The following ATP13A4 variants were observed in gnomAD, a reference collection of about 807,000 sequenced individuals.
ATP13A4 encodes ATPase 13A4.
Under a neutral mutation model 142.5 loss-of-function variants are expected in ATP13A4, and 114 were observed. The ratio of observed to expected loss-of-function variants is 0.80; its 90% CI spans 0.69 to 0.93. The LOEUF (loss-of-function observed/expected upper bound fraction) is 0.93. Ranked by LOEUF, ATP13A4 falls within the 40% of genes least tolerant of loss-of-function variation. The probability of loss-of-function intolerance (pLI) is 0.00; values close to 1 mark genes in which losing one functional copy is unlikely to be tolerated. For missense variants in ATP13A4, 1,392 were observed against 1,454.0 expected, an observed-to-expected ratio of 0.96 and a Z score of 0.69; for synonymous variants, 488 against 514.8, an observed-to-expected ratio of 0.95 and a Z score of 0.70.
intron 1 of ATP13A4, among the ~76,000 whole-genome samples, chr3:193,591,961 C>G (rs567173340): frequency 6.6e-6 from 1 of 152,198 alleles, no homozygotes; most frequent in South Asian, 2.1e-4. Context: ...GCCATTGAAA[C>G]AGTCACCACA....
intron 2 of ATP13A4, among the ~76,000 whole-genome samples, chr3:193,566,087 C>T (rs1342559246): frequency 2.6e-5 from 4 of 152,128 alleles, no homozygotes; most frequent in Non-Finnish European, 4.4e-5. Flanking sequence ...ACTCACGAAC[C>T]TGTGCGGCTA....
chr3:193,519,631 T>A (rs1366589917), intron 1 of ATP13A4, among the ~76,000 whole-genome samples: 1 of 91,500 alleles, frequency 1.1e-5, no homozygotes, highest in Non-Finnish European at 2.4e-5. Context: ...TTGTAATTTT[T>A]TTTTTTTTTT....
chr3:193,561,912 C>T (rs927978157), intron 2 of ATP13A4, among the ~76,000 whole-genome samples: 7 of 152,210 alleles, frequency 4.6e-5, no homozygotes, highest in African/African-American at 1.4e-4. Flanking sequence ...ACCGGACTAC[C>T]TATGTCTACC....
At chr3:193,485,721 A>G (rs1719573720) in intron 7 of ATP13A4, among the ~76,000 whole-genome samples, 1 of 152,126 alleles carries the variant, frequency 6.6e-6, no homozygotes. Flanking sequence ...TTGAAAGGTG[A>G]TTAGGTCATG....
intron 3 of ATP13A4, among the ~76,000 whole-genome samples, chr3:193,501,010 T>C (rs937881912): frequency 6.6e-6 from 1 of 152,202 alleles, no homozygotes; most frequent in Admixed American, 6.5e-5. Context: ...AAACTGCCTA[T>C]GCCGTAGCTG....
chr3:193,556,682 A>C (rs1035194366), upstream of ATP13A4, among the ~76,000 whole-genome samples: 3 of 152,148 alleles, frequency 2.0e-5, no homozygotes, highest in Non-Finnish European at 2.9e-5. Flanking sequence ...ATTTGTGAAC[A>C]TACTAAACCT....
intron 2 of ATP13A4, among the ~76,000 whole-genome samples, chr3:193,567,269 A>G (rs1724155327): frequency 6.6e-6 from 1 of 152,220 alleles, no homozygotes; most frequent in Admixed American, 6.5e-5. Context: ...AAGAAAACAA[A>G]GAGACAGAGA....
chr3:193,503,930 A>G lies in ATP13A4; in HGVS notation c.235-1291T>C, dbSNP rs74721164. Among the ~76,000 whole-genome samples the G allele has an allele frequency of 2.5e-3, 378 of 151,666 alleles. 1 individual carries two copies. The highest frequency in any genetic ancestry group is 4.4e-3 in the Non-Finnish European group (301 of 67,896). ...TCCACCTTACCACTTCTCTTGGACT[A>G]TGGGTAGGAATTGTGTATGATGCAT... On this transcript the variant is annotated intron_variant, in intron 2 of 29. Coordinates refer to ENST00000342695, the MANE Select transcript of ATP13A4 (RefSeq NM_032279.4).
chr3:193,427,291 C>T (rs925194351), intron 25 of ATP13A4, among the ~76,000 whole-genome samples: 5 of 151,884 alleles, frequency 3.3e-5, no homozygotes, highest in Admixed American at 6.6e-5. Context: ...CACTGCTCAA[C>T]GAAATAAAAG....
chr3:193,521,311 C>T (rs915317001), intron 1 of ATP13A4, among the ~76,000 whole-genome samples: 2 of 152,064 alleles, frequency 1.3e-5, no homozygotes, highest in African/African-American at 2.4e-5. Flanking sequence ...CCTACTGAGA[C>T]AATTAATAGG....
In ATP13A4 at chr3:193,580,373, T is replaced by C. The variant is rs568244249; in HGVS notation, n.291+1334A>G. Among the ~76,000 whole-genome samples, 15 of 152,268 alleles carry C rather than the reference T, an allele frequency of 9.9e-5. No individual in the cohort carries two copies. The East Asian group carries it at 2.7e-3, about 27-fold the overall frequency. On this transcript the variant is annotated intron_variant and non_coding_transcript_variant, in intron 2 of 3. Transcript: ENST00000489140. ...GATATAGCCTCAACTTGGTTTATCT[T>C]GGCCCTTCCTACCACCAAGGATTCT...
chr3:193,490,949 C>A (rs192300550), intron 6 of ATP13A4, among the ~76,000 whole-genome samples: 1 of 152,164 alleles, frequency 6.6e-6, no homozygotes, highest in Admixed American at 6.5e-5. Flanking sequence ...TGGTTTTTTT[C>A]TTCCTACAAT....
intron 24 of ATP13A4, among the ~76,000 whole-genome samples, chr3:193,434,486 A>G (rs552927322): frequency 3.3e-5 from 5 of 152,184 alleles, no homozygotes; most frequent in Non-Finnish European, 7.4e-5. Flanking sequence ...CCTTAGTGGA[A>G]AGGAGATAAT....
At chr3:193,468,023 C>T (rs183851703) in intron 9 of ATP13A4, among the ~76,000 whole-genome samples, 44 of 152,038 alleles carry the variant, frequency 2.9e-4, no homozygotes, top group African/African-American at 1.0e-3. Flanking sequence ...TGTAAAAATA[C>T]AAAAAATCAG....
chr3:193,460,494 T>C (rs957273901), intron 13 of ATP13A4, among the ~76,000 whole-genome samples: 2 of 152,244 alleles, frequency 1.3e-5, no homozygotes, highest in African/African-American at 4.8e-5. Context: ...TTCAAAAATG[T>C]CCTGGCTTCA....
intron 29 of ATP13A4, among the ~76,000 whole-genome samples, chr3:193,405,968 G>A (rs895177382): frequency 2.6e-5 from 4 of 152,100 alleles, no homozygotes; most frequent in African/African-American, 7.2e-5. Flanking sequence ...GAGGACACCC[G>A]TGATAATGCT....
intron 1 of ATP13A4, among the ~76,000 whole-genome samples, chr3:193,591,095 G>A (rs62287171): frequency 5.3e-5 from 8 of 152,126 alleles, no homozygotes; most frequent in Admixed American, 3.9e-4. Flanking sequence ...ACGGAGTCTC[G>A]ATCTGTCGCT....
At chr3:193,410,780 A>T (rs961107337) in intron 28 of ATP13A4, among the ~76,000 whole-genome samples, 2 of 152,224 alleles carry the variant, frequency 1.3e-5, no homozygotes, top group Non-Finnish European at 2.9e-5. Flanking sequence ...CTTTAATCTC[A>T]TGAAATCAAA....
chr3:193,509,177 G>A (rs1721014777), intron 2 of ATP13A4, among the ~76,000 whole-genome samples: 1 of 152,166 alleles, frequency 6.6e-6, no homozygotes, highest in Non-Finnish European at 1.5e-5. Context: ...GCCCCCAGCA[G>A]CCACCATCAC....
Sources: allele counts gnomAD v4.1 joint callset (sites outside exome capture counted in the v4.1 genomes callset), GRCh38; gene constraint gnomAD v4.1.1; transcripts MANE v1.5; gene names NCBI Gene and HGNC (gene_info 2026-07-23, HGNC 2026-07-21).